Variants in SLC22A23 observed in about 807,000 individuals in gnomAD.
SLC22A23 encodes the protein solute carrier family 22 member 23.
A neutral mutation model predicts 61.0 loss-of-function variants in SLC22A23; 26 were observed. That is an observed-to-expected ratio of 0.43 (90% confidence interval 0.31 to 0.59). SLC22A23 has a LOEUF of 0.59. Ranked by LOEUF, SLC22A23 falls within the 20% of genes least tolerant of loss-of-function variation. The probability of loss-of-function intolerance (pLI) is 0.11; values close to 1 mark genes in which losing one functional copy is unlikely to be tolerated. For synonymous variants in SLC22A23, 430 were observed against 413.9 expected (o/e 1.04, Z -0.47); for missense variants, 796 against 934.7 (o/e 0.85, Z 1.94).
At chr6:3,451,697 G>C (rs1460496950) in intron 1 of SLC22A23, among the ~76,000 whole-genome samples, 10 of 152,206 alleles carry the variant, frequency 6.6e-5, no homozygotes, top group Admixed American at 5.9e-4. Flanking sequence ...AAAACTTGCT[G>C]TCTATGTCAC....
At chr6:3,276,420 A>G (rs545822058) in intron 9 of SLC22A23, among the ~76,000 whole-genome samples, 1 of 152,198 alleles carries the variant, frequency 6.6e-6, no homozygotes, top group African/African-American at 2.4e-5. Context: ...CATCTTCTGC[A>G]CCCCCTAGAC....
chr6:3,278,410 G>C (rs1458339261), intron 9 of SLC22A23, among the ~76,000 whole-genome samples: 2 of 152,186 alleles, frequency 1.3e-5, no homozygotes, highest in Non-Finnish European at 2.9e-5. Flanking sequence ...ATGTCTCCCA[G>C]ATACTCAAAC....
intron 1 of SLC22A23, among the ~76,000 whole-genome samples, chr6:3,453,650 G>A (rs1772256961): frequency 6.6e-6 from 1 of 152,022 alleles, no homozygotes; most frequent in African/African-American, 2.4e-5. Context: ...TATATTGTAG[G>A]GCACACACAC....
At chr6:3,379,632 A>G (rs1766825426) in intron 3 of SLC22A23, among the ~76,000 whole-genome samples, 1 of 152,108 alleles carries the variant, frequency 6.6e-6, no homozygotes, top group Non-Finnish European at 1.5e-5. Flanking sequence ...AAATGCTGCC[A>G]TTTGTTCCTT....
At chr6:3,292,561 A>ACCCACGTCGAG (rs556197022) in intron 5 of SLC22A23, among the ~76,000 whole-genome samples, 20 of 151,922 alleles carry the variant, frequency 1.3e-4, no homozygotes, top group African/African-American at 4.6e-4. Flanking sequence ...TCCAACCAAA[A>ACCCACGTCGAG]CCCACGTCGA....
In SLC22A23 at chr6:3,286,881, G is replaced by T; in HGVS notation, c.1524C>A (p.Leu508=). 1 of 1,606,064 alleles carries T rather than the reference G, an allele frequency of 6.2e-7. No homozygotes were observed. Among genetic ancestry groups the T allele is most frequent in the South Asian group, 1.1e-5 (1 of 89,724 alleles). The change falls in exon 7 of 10, where the codon CTC becomes CTA. Residue 508 remains leucine (L), a synonymous_variant. Coordinates refer to ENST00000406686, the MANE Select transcript of SLC22A23 (RefSeq NM_015482.2). The surrounding 1 kb of genome is among the most constrained non-coding windows in gnomAD (Gnocchi z 4.2). ...LFMILTALAS[L]LQLGLLNLIG... ...CACGGTTGAGGAGGCCGAGCTGCAG[G>T]AGTGAGGCCAGGGCGGTGAGGATCA...
intron 3 of SLC22A23, among the ~76,000 whole-genome samples, chr6:3,346,899 A>ACT: frequency 6.6e-6 from 1 of 152,190 alleles, no homozygotes; most frequent in Non-Finnish European, 1.5e-5. Flanking sequence ...GTAGCATCTA[A>ACT]AGGACAACAT....
intron 3 of SLC22A23, among the ~76,000 whole-genome samples, chr6:3,369,048 T>C (rs1472229259): frequency 7.6e-6 from 1 of 131,502 alleles, no homozygotes; most frequent in Admixed American, 7.4e-5. Context: ...GTGTGAGGTT[T>C]ACTTTTTTTT....
Position 3,415,846 on chromosome 6 carries a change from C to A in SLC22A23, c.664G>T (p.Val222Leu). Reference sequence around the variant, plus strand: ...TGGACCTTCCAGGCATTATCACACACAAGATCCCACTAGAGAGGGGCAAAT... The same window carrying A: ...TGGACCTTCCAGGCATTATCACACAAAAGATCCCACTAGAGAGGGGCAAAT... ...VQNVVSKWDL[V>L]CDNAWKVHIA... The change falls in exon 2 of 10, where the codon GTG becomes TTG. Residue 222 changes from valine to leucine, a missense_variant. Physicochemically the swap from Val to Leu is conservative, Grantham distance 32 (BLOSUM62 1). Transcript: ENST00000406686. The A allele has an allele frequency of 6.4e-7, 1 of 1,550,846 alleles. No individual in the cohort carries two copies. Among genetic ancestry groups the A allele is most frequent in the Middle Eastern group, 1.7e-4 (1 of 5,994 alleles).
chr6:3,456,200 G>A lies in SLC22A23; in HGVS notation c.360C>T (p.Leu120=), dbSNP rs1206971708. 1.3e-6 allele frequency: 2 copies of A among 1,551,336 alleles called. No individual in the cohort carries two copies. Among genetic ancestry groups the A allele is most frequent in the Non-Finnish European group, 1.7e-6 (2 of 1,146,852 alleles). The part of the protein sequence containing the change: ...IGFSQFSDSF[L]LDQPNFWCRG... Reference sequence around the variant, plus strand: ...GGCACCAGAAGTTGGGCTGGTCCAGGAGGAACGAGTCCGAGAACTGGCTGA... The same window carrying A: ...GGCACCAGAAGTTGGGCTGGTCCAGAAGGAACGAGTCCGAGAACTGGCTGA... Residue 120 remains leucine (L), a synonymous_variant, in exon 1 of 10, where the codon CTC becomes CTT. Coordinates refer to ENST00000406686, the MANE Select transcript of SLC22A23 (RefSeq NM_015482.2). The surrounding 1 kb of genome is among the most constrained non-coding windows in gnomAD (Gnocchi z 7.1).
At chr6:3,424,779 G>T (rs927391177) in intron 1 of SLC22A23, among the ~76,000 whole-genome samples, 10 of 152,210 alleles carry the variant, frequency 6.6e-5, no homozygotes, top group African/African-American at 2.2e-4. Context: ...TTCATTTGCA[G>T]CGGATTCTGC....
At position 3,342,861 on chromosome 6, in the gene SLC22A23, C is replaced by CA. The variant is rs1764226588; in HGVS notation, c.914-18860dup. ...ACATATGTATACCGGCAGGAGAGTG[C>CA]AAAAAATGGCTCAGAGAAGAGGTTG... On this transcript the variant is annotated intron_variant, in intron 3 of 9. Coordinates refer to ENST00000406686, the MANE Select transcript of SLC22A23 (RefSeq NM_015482.2). This position sits in a 1 kb window ranked among gnomAD's most constrained non-coding sequence, Gnocchi z 4.0. 6.6e-6 allele frequency among the ~76,000 whole-genome samples: 1 copy of CA among 151,938 alleles called. No individual in the cohort carries two copies. Among genetic ancestry groups the CA allele is most frequent in the African/African-American group, 2.4e-5 (1 of 41,340 alleles).
Position 3,269,584 on chromosome 6 carries a change from T to G in SLC22A23, c.*3471A>C, listed in dbSNP as rs8790. The G allele has an allele frequency of 6.5e-6, 1 of 152,836 alleles. No individual in the cohort carries two copies. The highest frequency in any genetic ancestry group is 6.5e-5 in the Admixed American group (1 of 15,292). 9.5% of individuals were successfully genotyped at this position (152,836 alleles called of 1,614,324 possible). Reference sequence around the variant, plus strand: ...CAGTTCAGAACTCAGCGTAAGCTTGTGCTATGAACGAGCACCGTCAGAGAA... The same window carrying G: ...CAGTTCAGAACTCAGCGTAAGCTTGGGCTATGAACGAGCACCGTCAGAGAA... On this transcript the variant is annotated 3_prime_UTR_variant, in exon 10 of 10. Transcript: ENST00000406686.
intron 9 of SLC22A23, among the ~76,000 whole-genome samples, chr6:3,279,794 C>G (rs147613996): frequency 2.5e-3 from 375 of 152,168 alleles, no homozygotes; most frequent in African/African-American, 8.8e-3. Flanking sequence ...GACAGAGAAC[C>G]GAGGGCGCAC....
intron 3 of SLC22A23, among the ~76,000 whole-genome samples, chr6:3,354,463 T>C (rs948965024): frequency 3.3e-5 from 5 of 152,208 alleles, no homozygotes; most frequent in African/African-American, 9.7e-5. Context: ...GTTCCTCGAT[T>C]GTAGTGACCA....
intron 3 of SLC22A23, among the ~76,000 whole-genome samples, chr6:3,394,978 A>C (rs896407177): frequency 2.0e-5 from 3 of 152,178 alleles, no homozygotes; most frequent in Non-Finnish European, 4.4e-5. Flanking sequence ...AGTGATGAAA[A>C]GCAGGCACCA....
chr6:3,302,159 T>G (rs1194833257), intron 4 of SLC22A23, among the ~76,000 whole-genome samples: 1 of 152,230 alleles, frequency 6.6e-6, no homozygotes, highest in African/African-American at 2.4e-5. Context: ...CTTGGCTCAA[T>G]CATGGTAGGT....
At chr6:3,435,856 A>T (rs771548763) in intron 1 of SLC22A23, among the ~76,000 whole-genome samples, 4 of 152,188 alleles carry the variant, frequency 2.6e-5, no homozygotes, top group Non-Finnish European at 5.9e-5. Context: ...GTGTCCTTAC[A>T]AGGAGAGATG....
intron 3 of SLC22A23, among the ~76,000 whole-genome samples, chr6:3,407,795 A>C (rs1204374251): frequency 6.6e-6 from 1 of 152,248 alleles, no homozygotes; most frequent in Non-Finnish European, 1.5e-5. Flanking sequence ...TTGCAGAAAA[A>C]AACCTAAGGC....
Sources: allele counts gnomAD v4.1 joint callset (sites outside exome capture counted in the v4.1 genomes callset), GRCh38; gene constraint gnomAD v4.1.1; non-coding constraint Gnocchi (gnomAD v3.1); transcripts MANE v1.5; gene names NCBI Gene and HGNC (gene_info 2026-07-23, HGNC 2026-07-21).